MTA3: variants seen among roughly 807,000 people sequenced by gnomAD.
The protein encoded by MTA3 is metastasis-associated protein MTA3.
In MTA3, 34 loss-of-function variants were observed where a neutral mutation model predicts 83.5. That is an observed-to-expected ratio of 0.41 (90% CI 0.31 to 0.54). The LOEUF is 0.54. Ranked by LOEUF, MTA3 falls within the 20% of genes least tolerant of loss-of-function variation. MTA3 has a pLI of 0.33. For missense variants in MTA3, 761 were observed against 726.4 expected (o/e 1.05, Z -0.55); for synonymous variants, 303 against 252.7 (o/e 1.20, Z -1.89).
chr2:42,703,887 C>T (rs1665825243), intron 11 of MTA3: 1 of 220,256 alleles, frequency 4.5e-6, no homozygotes, highest in Admixed American at 5.6e-5. Context: ...GAGACTCCGT[C>T]TCCAAAAAAA....
rs371825639 is a variant in MTA3, at chr2:42,597,760, A to G, written c.191-11698A>G. ...CAGTGGCACCATCTCAGCTTACTGC[A>G]ACCTCTGCCTCCCAGGCTCAACTGA... is the stretch of plus-strand genomic sequence containing the variant. On this transcript the variant is annotated intron_variant, in intron 3 of 16. Transcript: ENST00000405094. Among the ~76,000 whole-genome samples the G allele has an allele frequency of 5.5e-5, 8 of 145,976 alleles. No homozygotes were observed. In the East Asian group the frequency reaches 1.4e-3, roughly 25 times the overall value.
At chr2:42,595,592 AC>A in intron 3 of MTA3, among the ~76,000 whole-genome samples, 1 of 152,170 alleles carries the variant, frequency 6.6e-6, no homozygotes, top group Non-Finnish European at 1.5e-5. Flanking sequence ...GACGTGTTTA[AC>A]CTTACATTTT....
At chr2:42,524,481 T>TTTG (rs56981879) in intron 2 of MTA3, among the ~76,000 whole-genome samples, 27,532 of 129,752 alleles carry the variant, frequency 0.21, 2,295 homozygotes, top group African/African-American at 0.29. Flanking sequence ...TGTTTTTTTT[T>TTTG]TTTTTTTTTT....
intron 3 of MTA3, among the ~76,000 whole-genome samples, chr2:42,605,939 C>T (rs1683283307): frequency 5.1e-5 from 2 of 39,050 alleles, no homozygotes; most frequent in Admixed American, 2.0e-4. Context: ...CCCTCACCTC[C>T]CCGACGGGGC....
upstream of MTA3, among the ~76,000 whole-genome samples, chr2:42,564,420 G>C (rs867246966): frequency 2.0e-5 from 3 of 152,132 alleles, no homozygotes; most frequent in African/African-American, 2.4e-5. Flanking sequence ...TCTATGACTA[G>C]AGAAGCTACA....
intron 2 of MTA3, among the ~76,000 whole-genome samples, chr2:42,548,876 AAT>A (rs57420248): frequency 0.38 from 7,142 of 18,880 alleles, 1,908 homozygotes; most frequent in South Asian, 0.6. Context: ...ATATATATAT[AAT>A]ATATATATAT....
At chr2:42,568,131 C>T (rs964826346), upstream of MTA3, 3 of 152,324 alleles carry the variant, frequency 2.0e-5, no homozygotes, top group Admixed American at 6.5e-5. Context: ...GCGAGGAAGG[C>T]ACCCTGCTGC....
intron 2 of MTA3, among the ~76,000 whole-genome samples, chr2:42,525,175 T>G (rs1283972503): frequency 6.8e-6 from 1 of 147,690 alleles, no homozygotes; most frequent in Non-Finnish European, 1.5e-5. Context: ...TTTCAGCACT[T>G]CAATTTCTTT....
chr2:42,604,570 TTTTC>T (rs1393750461), intron 3 of MTA3, among the ~76,000 whole-genome samples: 11 of 62,454 alleles, frequency 1.8e-4, no homozygotes, highest in South Asian at 8.8e-4. Context: ...TGAATGTTTC[TTTTC>T]TTTTTTTTTT....
intron 6 of MTA3, among the ~76,000 whole-genome samples, chr2:42,649,189 G>A (rs912129518): frequency 2.6e-5 from 4 of 152,140 alleles, no homozygotes; most frequent in African/African-American, 2.4e-5. Flanking sequence ...GAGGTCAGGA[G>A]TTCGAGACCA....
At chr2:42,570,376 G>T in intron 1 of MTA3, 61 bp from the exon 2 acceptor site, 2 of 1,073,874 alleles carry the variant, frequency 1.9e-6, no homozygotes, top group Non-Finnish European at 1.4e-6. Context: ...AAAAAGTCTT[G>T]GATTGACAAA....
intron 9 of MTA3, among the ~76,000 whole-genome samples, chr2:42,694,470 T>A (rs1345873901): frequency 6.6e-6 from 1 of 152,142 alleles, no homozygotes; most frequent in East Asian, 1.9e-4. Flanking sequence ...TGGCTAGGTC[T>A]GGTACAGATT....
chr2:42,632,425 C>G (rs1292914884), intron 4 of MTA3, among the ~76,000 whole-genome samples: 1 of 152,124 alleles, frequency 6.6e-6, no homozygotes, highest in East Asian at 1.9e-4. Flanking sequence ...ACCATCCCCA[C>G]AAGTACTGTA....
Position 42,723,020 on chromosome 2 carries a change from C to A in MTA3, c.1744C>A (p.His582Asn). 1 of 1,550,826 alleles carries A rather than the reference C, an allele frequency of 6.4e-7. No individual in the cohort carries two copies. Among genetic ancestry groups the A allele is most frequent in the South Asian group, 1.2e-5 (1 of 84,054 alleles). Residue 582 changes from histidine (H) to asparagine (N), a missense_variant, in exon 16 of 17, where the codon CAC (histidine) becomes AAC (asparagine). Physicochemically the swap from His to Asn is moderately conservative, Grantham distance 68. Coordinates refer to ENST00000405094, the MANE Select transcript of MTA3 (RefSeq NM_001330442.2). ...SILGKRNYSH[H>N]NGLDELTCCV... ...TCTGGGGAAAAGAAACTACAGTCATCACAATGGTCTGGATGGTATGTAAGC... is the reference window on the plus strand; with the variant it reads ...TCTGGGGAAAAGAAACTACAGTCATAACAATGGTCTGGATGGTATGTAAGC...
chr2:42,685,618 G>A (rs1692304983), intron 9 of MTA3, among the ~76,000 whole-genome samples: 1 of 152,190 alleles, frequency 6.6e-6, no homozygotes, highest in Non-Finnish European at 1.5e-5. Context: ...TTAGATGCAA[G>A]GGAGTCTGGG....
intron 14 of MTA3, chr2:42,709,405 T>G (rs991047692): frequency 1.1e-4 from 94 of 828,656 alleles, no homozygotes; most frequent in Admixed American, 1.8e-4. Flanking sequence ...GAGCCCTTAT[T>G]GAAGCACTTT....
At chr2:42,705,552 A>C (rs1169098449) in intron 12 of MTA3, among the ~76,000 whole-genome samples, 1 of 152,104 alleles carries the variant, frequency 6.6e-6, no homozygotes, top group Non-Finnish European at 1.5e-5. Flanking sequence ...TAAAAATACC[A>C]AAAATTAGCC....
At position 42,744,132 on chromosome 2, in the gene MTA3, C is replaced by T. The variant is rs552973436; in HGVS notation, c.1760-9242C>T. 1.3e-3 allele frequency among the ~76,000 whole-genome samples: 194 copies of T among 152,198 alleles called. 1 individual carries two copies. Among genetic ancestry groups the T allele is most frequent in the African/African-American group, 4.3e-3 (180 of 41,520 alleles). ...GGTTACTGAATGGGAAGCAATATAGCGGAGTACCTTATGTATTGAGAGGGT... is the reference window on the plus strand; with the variant it reads ...GGTTACTGAATGGGAAGCAATATAGTGGAGTACCTTATGTATTGAGAGGGT... On this transcript the variant is annotated intron_variant, in intron 16 of 16. Transcript: ENST00000405094.
intron 8 of MTA3, among the ~76,000 whole-genome samples, chr2:42,677,527 G>A (rs764326792): frequency 2.6e-5 from 4 of 151,932 alleles, no homozygotes; most frequent in Non-Finnish European, 5.9e-5. Context: ...TATTTTAGTA[G>A]AGATGGGTTT....
Sources: gnomAD v4.1 joint callset for allele counts (sites outside exome capture counted in the v4.1 genomes callset) on GRCh38, gnomAD v4.1.1 for gene constraint, MANE v1.5 for transcripts, NCBI Gene and HGNC (gene_info 2026-07-23, HGNC 2026-07-21) for gene names.